Variants in TMEM178A observed in about 807,000 individuals in gnomAD.
TMEM178A encodes the protein transmembrane protein 178A.
TMEM178A carries 12 observed loss-of-function variants against 29.1 expected under a neutral mutation model. The observed-to-expected ratio is 0.41, with a 90% CI of 0.26 to 0.67. The LOEUF (loss-of-function observed/expected upper bound fraction) is 0.67, where lower values mean the gene tolerates loss of function less well. Among genes scored for constraint, TMEM178A ranks in the 30% least tolerant of loss-of-function variants. The pLI, the probability that TMEM178A is intolerant of heterozygous loss-of-function variation, is 0.29. For missense variants in TMEM178A, 366 were observed against 419.1 expected (o/e 0.87, Z 1.11); for synonymous variants, 210 against 187.2 (o/e 1.12, Z -0.99).
At chr2:39,683,683 T>C (rs1256769699) in intron 1 of TMEM178A, among the ~76,000 whole-genome samples, 1 of 152,230 alleles carries the variant, frequency 6.6e-6, no homozygotes, top group Non-Finnish European at 1.5e-5. Context: ...CCACCTATTT[T>C]GGCACTGCAG....
intron 1 of TMEM178A, among the ~76,000 whole-genome samples, chr2:39,701,626 T>C (rs1456824440): frequency 6.6e-6 from 1 of 152,098 alleles, no homozygotes; most frequent in Non-Finnish European, 1.5e-5. Flanking sequence ...TTTCTTCAAA[T>C]ACTCTTTTTT....
At chr2:39,718,023 C>G (rs1672620624), downstream of TMEM178A, 1 of 152,550 alleles carries the variant, frequency 6.6e-6, no homozygotes, top group Non-Finnish European at 1.5e-5. Flanking sequence ...GCCATAAGGA[C>G]AGAGGAAAAC....
At chr2:39,687,086 C>T (rs974482893) in intron 1 of TMEM178A, among the ~76,000 whole-genome samples, 3 of 150,178 alleles carry the variant, frequency 2.0e-5, no homozygotes, top group African/African-American at 7.3e-5. Flanking sequence ...TCACCCTCTC[C>T]TTCTTGTCCA....
chr2:39,701,999 A>G (rs1391565333), intron 1 of TMEM178A, among the ~76,000 whole-genome samples: 1 of 152,076 alleles, frequency 6.6e-6, no homozygotes, highest in East Asian at 1.9e-4. Flanking sequence ...ACATATTTAA[A>G]ATAGCTGATT....
At chr2:39,677,477 C>T (rs1480398614) in intron 1 of TMEM178A, among the ~76,000 whole-genome samples, 4 of 152,058 alleles carry the variant, frequency 2.6e-5, no homozygotes, top group Admixed American at 6.5e-5. Context: ...GATAGTGGCG[C>T]GTGTTCAAAA....
downstream of TMEM178A, among the ~76,000 whole-genome samples, chr2:39,721,713 G>A (rs1284333203): frequency 6.6e-6 from 1 of 152,114 alleles, no homozygotes; most frequent in Non-Finnish European, 1.5e-5. Context: ...CTATCAGTTG[G>A]CCAGGTGTGG....
chr2:39,665,677 G>A, upstream of TMEM178A: 1 of 299,098 alleles, frequency 3.3e-6, no homozygotes, highest in Non-Finnish European at 6.0e-6. Context: ...CGGGGTGGGG[G>A]GCGCCGGGGC....
intron 1 of TMEM178A, among the ~76,000 whole-genome samples, chr2:39,698,270 C>T (rs1671636333): frequency 6.6e-6 from 1 of 152,126 alleles, no homozygotes; most frequent in Admixed American, 6.5e-5. Flanking sequence ...CGAGTAATAG[C>T]CTCAGGCTAG....
At chr2:39,723,805 C>G in the TMEM178A span, among the ~76,000 whole-genome samples, 3 of 152,214 alleles carry the variant, frequency 2.0e-5, no homozygotes, top group Non-Finnish European at 4.4e-5. Context: ...CCTTCCTGCA[C>G]AGCATCCACG....
the TMEM178A span, among the ~76,000 whole-genome samples, chr2:39,733,122 CGGAT>C: frequency 1.3e-5 from 2 of 152,086 alleles, no homozygotes; most frequent in Non-Finnish European, 2.9e-5. Context: ...GGTAAGTTAC[CGGAT>C]GGTTTGTCAC....
At chr2:39,692,735 T>C (rs1436239864) in intron 1 of TMEM178A, among the ~76,000 whole-genome samples, 1 of 152,150 alleles carries the variant, frequency 6.6e-6, no homozygotes, top group Non-Finnish European at 1.5e-5. Flanking sequence ...CATTTGATCC[T>C]CAAGACAATA....
At chr2:39,701,146 T>C (rs930157091) in intron 1 of TMEM178A, among the ~76,000 whole-genome samples, 1 of 152,170 alleles carries the variant, frequency 6.6e-6, no homozygotes, top group Non-Finnish European at 1.5e-5. Context: ...CCTTTACATG[T>C]GCTTTTTATT....
rs141854657 is a variant in TMEM178A at position 39,677,753 on chromosome 2, C to T, written c.400+11379C>T. On this transcript the variant is annotated intron_variant, in intron 1 of 3. Coordinates refer to ENST00000281961, the MANE Select transcript of TMEM178A (RefSeq NM_152390.3). ...TGTGCTAGGCTCCTCTTGGACCTCT[C>T]GTTCGACACCGAGAGACCTATTTAT... Among the ~76,000 whole-genome samples the T allele has an allele frequency of 1.2e-3, 185 of 151,974 alleles. 1 individual carries two copies. The Middle Eastern group carries it at 0.014, about 11-fold the overall frequency.
chr2:39,671,884 G>T (rs555413746), intron 1 of TMEM178A, among the ~76,000 whole-genome samples: 11 of 152,292 alleles, frequency 7.2e-5, no homozygotes, highest in African/African-American at 2.6e-4. Context: ...GAAATTCATG[G>T]CGGGTATCCC....
the TMEM178A span, among the ~76,000 whole-genome samples, chr2:39,723,952 A>G: frequency 1.3e-5 from 2 of 152,168 alleles, no homozygotes; most frequent in East Asian, 1.9e-4. Context: ...TTACTGCTCT[A>G]TAGTTTTTAA....
At chr2:39,685,087 C>A (rs1393940794) in intron 1 of TMEM178A, among the ~76,000 whole-genome samples, 1 of 152,196 alleles carries the variant, frequency 6.6e-6, no homozygotes, top group Non-Finnish European at 1.5e-5. Context: ...CAATTCTGAT[C>A]ATGCCTTTTC....
intron 1 of TMEM178A, among the ~76,000 whole-genome samples, chr2:39,691,942 T>C (rs964200473): frequency 1.5e-4 from 23 of 151,822 alleles, no homozygotes; most frequent in Non-Finnish European, 3.2e-4. Context: ...AATATATAGA[T>C]ATACATATAT....
intron 3 of TMEM178A, among the ~76,000 whole-genome samples, chr2:39,716,533 A>G (rs1672544115): frequency 6.6e-6 from 1 of 152,252 alleles, no homozygotes; most frequent in Admixed American, 6.5e-5. Context: ...GCAACATGAT[A>G]AATATTTATG....
At chr2:39,730,230 A>C in the TMEM178A span, among the ~76,000 whole-genome samples, 3 of 152,086 alleles carry the variant, frequency 2.0e-5, no homozygotes, top group South Asian at 6.2e-4. Context: ...ATGATTTTGA[A>C]AGGAGGAGGG....
Sources: gnomAD v4.1 joint callset for allele counts (sites outside exome capture counted in the v4.1 genomes callset) on GRCh38, gnomAD v4.1.1 for gene constraint, MANE v1.5 for transcripts, NCBI Gene and HGNC (gene_info 2026-07-23, HGNC 2026-07-21) for gene names.